MAK: variants seen among roughly 807,000 people sequenced by gnomAD.
The protein encoded by MAK is serine/threonine-protein kinase MAK.
MAK carries 65 observed loss-of-function variants against 82.6 expected under a neutral mutation model. The ratio of observed to expected loss-of-function variants is 0.79; its 90% CI spans 0.64 to 0.97. The LOEUF (loss-of-function observed/expected upper bound fraction) is 0.97, where lower values mean the gene tolerates loss of function less well. MAK is among the 50% of genes least tolerant of loss of function. The probability of loss-of-function intolerance (pLI) is 0.00; values close to 1 mark genes in which losing one functional copy is unlikely to be tolerated. For synonymous variants in MAK, 250 were observed against 274.2 expected (o/e 0.91, Z 0.87); for missense variants, 703 against 780.2 (o/e 0.90, Z 1.18).
rs865827009 is a variant in MAK at position 10,793,530 on chromosome 6, A to G, written c.1144-1683T>C. ...GGTAAGAGATCTTGCAACTTTTTGA[A>G]TCCTAGAGATGAAATACACAAGTCA... On this transcript the variant is annotated intron_variant, in intron 9 of 14. Transcript: ENST00000354489. This position sits in a 1 kb window ranked among gnomAD's most constrained non-coding sequence, Gnocchi z 4.6. Among the ~76,000 whole-genome samples the G allele has an allele frequency of 6.6e-6, 1 of 152,204 alleles. No homozygotes were observed. The highest frequency in any genetic ancestry group is 2.4e-5 in the African/African-American group (1 of 41,454).
At chr6:10,779,692 T>A (rs1021737006) in intron 11 of MAK, among the ~76,000 whole-genome samples, 35 of 152,312 alleles carry the variant, frequency 2.3e-4, no homozygotes, top group African/African-American at 8.4e-4. Flanking sequence ...TTTTTAAATT[T>A]TTTTATTTTT....
At chr6:10,814,920 C>T (rs922226739) in intron 4 of MAK, among the ~76,000 whole-genome samples, 26 of 151,978 alleles carry the variant, frequency 1.7e-4, no homozygotes, top group Non-Finnish European at 7.4e-5. Flanking sequence ...GCCTGTAATC[C>T]CAGCTACTCA....
rs1164905981 is a variant in MAK at position 10,800,573 on chromosome 6, C to T, written c.831+1319G>A. 6.6e-6 allele frequency among the ~76,000 whole-genome samples: 1 copy of T among 151,826 alleles called. No individual in the cohort carries two copies. The highest frequency in any genetic ancestry group is 1.5e-5 in the Non-Finnish European group (1 of 68,000). On this transcript the variant is annotated intron_variant, in intron 8 of 14. Transcript: ENST00000354489. The surrounding 1 kb of genome is among the most constrained non-coding windows in gnomAD (Gnocchi z 4.2). ...ATGTAATCCTGGTCGGGCGCGGTGG[C>T]TCACACCTGTAATCCCAGCACTTTG...
intron 6 of MAK, among the ~76,000 whole-genome samples, chr6:10,806,268 G>A (rs997352559): frequency 9.4e-5 from 14 of 149,576 alleles, no homozygotes; most frequent in African/African-American, 3.0e-4. Flanking sequence ...TCCACCTCCC[G>A]GGTTCAAGTG....
rs201061039 is a variant in MAK at position 10,797,245 on chromosome 6, CTGTT to C, written c.832-940_832-937del. On this transcript the variant is annotated intron_variant, in intron 8 of 14. Transcript: ENST00000354489. Reference sequence around the variant, plus strand: ...ATAAAAATATTATGAAAAATGATCACTGTTTGAGTTTTATCTAGATCAGTCACCT... The same window carrying C: ...ATAAAAATATTATGAAAAATGATCACTGAGTTTTATCTAGATCAGTCACCT... 5.3e-5 allele frequency among the ~76,000 whole-genome samples: 8 copies of C among 152,056 alleles called. No individual in the cohort carries two copies. The East Asian group carries it at 1.3e-3, about 26-fold the overall frequency.
chr6:10,784,061 A>G (rs140999187), intron 11 of MAK, among the ~76,000 whole-genome samples: 1 of 152,186 alleles, frequency 6.6e-6, no homozygotes, highest in East Asian at 1.9e-4. Context: ...TGTACACCAG[A>G]TCATTTAGGA....
chr6:10,830,798 C>T lies in MAK; in HGVS notation c.-150G>A. On this transcript the variant is annotated 5_prime_UTR_variant, in exon 2 of 15. Coordinates refer to ENST00000354489, the MANE Select transcript of MAK (RefSeq NM_001242957.3). Reference sequence around the variant, plus strand: ...TTTGTCATCATTAAATATAGTCTCTCCCCCAAGATTACAGAGGTTCATGAG... The same window carrying T: ...TTTGTCATCATTAAATATAGTCTCTTCCCCAAGATTACAGAGGTTCATGAG... 1 of 697,098 alleles carries T rather than the reference C, an allele frequency of 1.4e-6. No homozygotes were observed. Among genetic ancestry groups the T allele is most frequent in the Non-Finnish European group, 2.6e-6 (1 of 381,548 alleles). 43.2% of individuals were successfully genotyped at this position (697,098 alleles called of 1,614,324 possible).
At chr6:10,778,163 CACCT>C (rs1323840877) in intron 11 of MAK, among the ~76,000 whole-genome samples, 1 of 152,126 alleles carries the variant, frequency 6.6e-6, no homozygotes, top group East Asian at 1.9e-4. Context: ...ATTTACTGAG[CACCT>C]ACCAGTGCCA....
chr6:10,817,933 CA>C lies in MAK; in HGVS notation c.194del (p.Leu65Ter), dbSNP rs1561994182. 1 of 1,417,814 alleles carries C rather than the reference CA, an allele frequency of 7.1e-7. No homozygotes were observed. The highest frequency in any genetic ancestry group is 1.4e-5 in the African/African-American group (1 of 70,804). 87.8% of individuals were successfully genotyped at this position (1,417,814 alleles called of 1,614,324 possible). A position where few individuals can be genotyped will look rare whatever the true frequency, so the allele number is the denominator to read the frequency against. ...GGTCATTTTCTCTGATAACTTCTTT[CA>C]ATTTAATAACATTGGCATGATTAAG... is the stretch of plus-strand genomic sequence containing the variant. Reference protein sequence around the residue: ...KKLNHANVIKLKEVIRENDHL... With the variant: ...KKLNHANVIKXKEVIRENDHL... On this transcript the variant is annotated frameshift_variant, in exon 4 of 15. Transcript: ENST00000354489. LOFTEE classifies it high-confidence loss of function.
rs555026579 is a variant in MAK at position 10,789,009 on chromosome 6, A to G, written c.1316+2666T>C. The stretch of plus-strand genomic sequence containing the variant: ...TGGCTTGATAAAATAAGTTTTAACT[A>G]CCTTATCCATAATACACTCTGATCC... On this transcript the variant is annotated intron_variant, in intron 10 of 14. Transcript: ENST00000354489. 3.3e-5 allele frequency among the ~76,000 whole-genome samples: 5 copies of G among 152,238 alleles called. No homozygotes were observed. The East Asian group carries it at 7.7e-4, about 23-fold the overall frequency.
At chr6:10,813,345 G>A (rs1278977623) in intron 5 of MAK, among the ~76,000 whole-genome samples, 1 of 148,636 alleles carries the variant, frequency 6.7e-6, no homozygotes, top group East Asian at 2.0e-4. Flanking sequence ...CAGAGACAGG[G>A]TTTCACCATG....
intron 13 of MAK, among the ~76,000 whole-genome samples, chr6:10,771,441 AC>A (rs1253477584): frequency 6.6e-6 from 1 of 152,220 alleles, no homozygotes; most frequent in African/African-American, 2.4e-5. Context: ...GAGCTGCTGC[AC>A]TGGCAGGAAG....
intron 2 of MAK, among the ~76,000 whole-genome samples, chr6:10,822,931 A>C (rs1366803302): frequency 2.0e-5 from 3 of 152,236 alleles, no homozygotes; most frequent in Non-Finnish European, 4.4e-5. Flanking sequence ...ACAAGATTTC[A>C]GTGATCTAAA....
intron 11 of MAK, chr6:10,779,242 C>T (rs1773744799): frequency 1.4e-6 from 1 of 738,232 alleles, no homozygotes; most frequent in Non-Finnish European, 1.7e-6. Context: ...GGGGTGAGAC[C>T]AGAGGGCACT....
chr6:10,791,923 A>G (rs1775125487), intron 9 of MAK, 76 bp from the exon 10 acceptor site: 1 of 1,456,214 alleles, frequency 6.9e-7, no homozygotes, highest in Non-Finnish European at 9.6e-7. Context: ...CTATCTATGT[A>G]AGACACTAAC....
chr6:10,814,815 G>T (rs985776353), intron 4 of MAK, among the ~76,000 whole-genome samples: 1 of 152,204 alleles, frequency 6.6e-6, no homozygotes, highest in Admixed American at 6.5e-5. Context: ...GGAGGCCAAG[G>T]TGGGTGGAGG....
At chr6:10,827,267 C>T (rs942882414) in intron 2 of MAK, among the ~76,000 whole-genome samples, 3 of 152,162 alleles carry the variant, frequency 2.0e-5, no homozygotes, top group African/African-American at 7.2e-5. Context: ...TCTGATTCGC[C>T]TACCCTCCTC....
intron 3 of MAK, 83 bp from the exon 4 acceptor site, chr6:10,818,054 A>G (rs896731491): frequency 4.2e-6 from 3 of 717,452 alleles, no homozygotes; most frequent in Middle Eastern, 4.2e-4. Flanking sequence ...TAAGTGTAAT[A>G]ATTACCTTAT....
chr6:10,767,634 C>T (rs1293658070), intron 14 of MAK, among the ~76,000 whole-genome samples: 6 of 151,916 alleles, frequency 3.9e-5, no homozygotes, highest in African/African-American at 1.2e-4. Flanking sequence ...ACTAAAAATA[C>T]ATAAATTAGC....
Sources: gnomAD v4.1 joint callset for allele counts (sites outside exome capture counted in the v4.1 genomes callset) on GRCh38, gnomAD v4.1.1 for gene constraint, Gnocchi (gnomAD v3.1) non-coding constraint, MANE v1.5 for transcripts, NCBI Gene and HGNC (gene_info 2026-07-23, HGNC 2026-07-21) for gene names.